ANK3: variants seen among roughly 807,000 people sequenced by gnomAD.
The protein encoded by ANK3 is ankyrin-3.
Under a neutral mutation model 370.9 loss-of-function variants are expected in ANK3, and 57 were observed. The ratio of observed to expected loss-of-function variants is 0.15; its 90% CI spans 0.12 to 0.19. The LOEUF (loss-of-function observed/expected upper bound fraction) is 0.19, where lower values mean the gene tolerates loss of function less well. ANK3 is among the 10% of genes least tolerant of loss of function. The probability of loss-of-function intolerance (pLI) is 1.00; values close to 1 mark genes in which losing one functional copy is unlikely to be tolerated. For missense variants in ANK3, 4,439 were observed against 5,302.1 expected, an observed-to-expected ratio of 0.84 and a Z score of 5.06; for synonymous variants, 1,929 against 1,946.3, an observed-to-expected ratio of 0.99 and a Z score of 0.23.
intron 1 of ANK3, among the ~76,000 whole-genome samples, chr10:60,371,058 CAA>C (rs2060044501): frequency 6.6e-6 from 1 of 152,092 alleles, no homozygotes; most frequent in Non-Finnish European, 1.5e-5. Flanking sequence ...CTTTCTCTTC[CAA>C]CCACATTCAG....
At chr10:60,614,830 A>G (rs914649027) in intron 2 of ANK3, among the ~76,000 whole-genome samples, 3 of 152,152 alleles carry the variant, frequency 2.0e-5, no homozygotes, top group Non-Finnish European at 4.4e-5. Flanking sequence ...GGCATTATCA[A>G]TGGAGAAATG....
At chr10:60,670,121 GC>G (rs986776475) in intron 1 of ANK3, among the ~76,000 whole-genome samples, 1 of 152,074 alleles carries the variant, frequency 6.6e-6, no homozygotes, top group Non-Finnish European at 1.5e-5. Context: ...ACTGTGCCCA[GC>G]CCTAATTGAT....
chr10:60,165,993 A>T (rs1190626088), intron 23 of ANK3, among the ~76,000 whole-genome samples: 2 of 152,222 alleles, frequency 1.3e-5, no homozygotes, highest in Non-Finnish European at 2.9e-5. Flanking sequence ...ACCTGGTCAA[A>T]GTATTGGTTT....
intron 7 of ANK3, among the ~76,000 whole-genome samples, chr10:60,247,996 G>A (rs2097582666): frequency 6.6e-6 from 1 of 152,190 alleles, no homozygotes; most frequent in African/African-American, 2.4e-5. Flanking sequence ...CATTCATGCT[G>A]TAGCATGCAT....
intron 6 of ANK3, among the ~76,000 whole-genome samples, 170 bp downstream of exon 6, chr10:60,263,663 CAT>C (rs755243463): frequency 5.1e-4 from 78 of 152,208 alleles, no homozygotes; most frequent in Admixed American, 2.0e-4. Flanking sequence ...CCCAACTTCT[CAT>C]GTGAAGGGAG....
At chr10:60,372,769 C>G (rs1006799258) in intron 1 of ANK3, among the ~76,000 whole-genome samples, 2 of 152,198 alleles carry the variant, frequency 1.3e-5, no homozygotes, top group African/African-American at 4.8e-5. Flanking sequence ...CCATACAACT[C>G]TGCCCTTCGA....
intron 2 of ANK3, among the ~76,000 whole-genome samples, chr10:60,548,384 G>A (rs1267999715): frequency 2.0e-5 from 3 of 151,646 alleles, no homozygotes; most frequent in South Asian, 4.2e-4. Flanking sequence ...GCTATTTTGT[G>A]TGTGCGTGTT....
At chr10:60,095,218 T>A (rs1459721456) in intron 28 of ANK3, among the ~76,000 whole-genome samples, 1 of 152,248 alleles carries the variant, frequency 6.6e-6, no homozygotes, top group Admixed American at 6.5e-5. Context: ...ATGTTTGATA[T>A]TGAGACCCGG....
intron 2 of ANK3, among the ~76,000 whole-genome samples, chr10:60,562,750 C>T (rs1375795870): frequency 6.6e-6 from 1 of 151,908 alleles, no homozygotes; most frequent in Non-Finnish European, 1.5e-5. Context: ...GGATAAATTA[C>T]ATCATCTAAC....
chr10:60,604,112 G>A (rs536464286), intron 2 of ANK3, among the ~76,000 whole-genome samples: 2 of 152,234 alleles, frequency 1.3e-5, no homozygotes, highest in Non-Finnish European at 2.9e-5. Flanking sequence ...TTCATTCAGA[G>A]ATGACTTTCA....
At chr10:60,666,023 A>T (rs944569512) in intron 1 of ANK3, among the ~76,000 whole-genome samples, 1 of 152,212 alleles carries the variant, frequency 6.6e-6, no homozygotes, top group East Asian at 1.9e-4. Context: ...AAAATTAAAC[A>T]TAGAATTACC....
At chr10:60,167,235 A>G (rs1175329929) in intron 21 of ANK3, among the ~76,000 whole-genome samples, 1 of 152,204 alleles carries the variant, frequency 6.6e-6, no homozygotes, top group Non-Finnish European at 1.5e-5. Flanking sequence ...CTGCCGCCCC[A>G]TTCCACGAAA....
At chr10:60,247,914 G>A (rs2097581299) in intron 7 of ANK3, among the ~76,000 whole-genome samples, 1 of 152,078 alleles carries the variant, frequency 6.6e-6, no homozygotes, top group African/African-American at 2.4e-5. Context: ...TGATGTGCCT[G>A]CCTCAGCCTC....
chr10:60,278,415 C>A (rs1227669679), intron 4 of ANK3, among the ~76,000 whole-genome samples: 1 of 152,134 alleles, frequency 6.6e-6, no homozygotes, highest in Non-Finnish European at 1.5e-5. Context: ...TGCTCTGTCA[C>A]CCAGGCTGGA....
At chr10:60,398,441 A>G (rs1156393720) in intron 2 of ANK3, among the ~76,000 whole-genome samples, 1 of 152,144 alleles carries the variant, frequency 6.6e-6, no homozygotes, top group African/African-American at 2.4e-5. Context: ...ATACATGTAT[A>G]TGTGCATACC....
chr10:60,433,541 C>A (rs537875712), intron 2 of ANK3, among the ~76,000 whole-genome samples: 1 of 151,920 alleles, frequency 6.6e-6, no homozygotes, highest in Non-Finnish European at 1.5e-5. Context: ...TGCAGTGAGC[C>A]GAGATCATGC....
intron 2 of ANK3, among the ~76,000 whole-genome samples, chr10:60,484,562 T>A (rs368079788): frequency 7.7e-6 from 1 of 130,120 alleles, no homozygotes; most frequent in Non-Finnish European, 1.9e-5. Context: ...TTAAAAAAAA[T>A]CTAGGCTGTT....
chr10:60,255,805 T>A (rs565209211), intron 7 of ANK3, among the ~76,000 whole-genome samples: 22 of 152,212 alleles, frequency 1.4e-4, no homozygotes, highest in Admixed American at 4.6e-4. Flanking sequence ...TAAAAAAAAA[T>A]TTATTTAAAT....
At chr10:60,291,602 A>G (rs1480163796) in intron 1 of ANK3, among the ~76,000 whole-genome samples, 1 of 152,086 alleles carries the variant, frequency 6.6e-6, no homozygotes, top group Non-Finnish European at 1.5e-5. Context: ...TCCACTGCTA[A>G]TGGTAAGTGT....
Sources: gnomAD v4.1 joint callset for allele counts (sites outside exome capture counted in the v4.1 genomes callset) on GRCh38, gnomAD v4.1.1 for gene constraint, MANE v1.5 for transcripts, NCBI Gene and HGNC (gene_info 2026-07-23, HGNC 2026-07-21) for gene names.